Variants in MB21D2 observed in about 807,000 individuals in gnomAD.
MB21D2 encodes the protein Mab-21 domain containing 2.
In MB21D2, 9 loss-of-function variants were observed where a neutral mutation model predicts 33.3. That is an observed-to-expected ratio of 0.27 (90% CI 0.16 to 0.47). The LOEUF is 0.47. MB21D2 is among the 20% of genes least tolerant of loss of function. The pLI is 0.99. For synonymous variants in MB21D2, 241 were observed against 236.3 expected (o/e 1.02, Z -0.18); for missense variants, 540 against 624.6 (o/e 0.86, Z 1.44).
At chr3:192,825,837 G>C (rs1243494907) in intron 1 of MB21D2, among the ~76,000 whole-genome samples, 1 of 152,230 alleles carries the variant, frequency 6.6e-6, no homozygotes, top group East Asian at 1.9e-4. Context: ...AATTGCATCA[G>C]TCCCGCCCCC....
chr3:192,893,152 C>T (rs919775924), intron 1 of MB21D2, among the ~76,000 whole-genome samples: 6 of 152,162 alleles, frequency 3.9e-5, no homozygotes, highest in African/African-American at 1.2e-4. Flanking sequence ...AACCTCCCAA[C>T]GCAGGTCAAA....
chr3:192,860,152 C>A lies in MB21D2; in HGVS notation c.211+57478G>T, dbSNP rs542555526. Among the ~76,000 whole-genome samples the A allele has an allele frequency of 1.2e-3, 187 of 152,262 alleles. 2 individuals carry two copies. In the South Asian group the frequency reaches 0.022, roughly 18 times the overall value. On this transcript the variant is annotated intron_variant, in intron 1 of 1. Coordinates refer to ENST00000392452, the MANE Select transcript of MB21D2 (RefSeq NM_178496.4). ...TGTAGGACAGGCCTCCAAACTGTGC[C>A]CCACATGGCCGAGTAGTTTTCTGAG...
intron 1 of MB21D2, among the ~76,000 whole-genome samples, chr3:192,900,600 A>C (rs1280831110): frequency 6.6e-6 from 1 of 152,164 alleles, no homozygotes; most frequent in Non-Finnish European, 1.5e-5. Flanking sequence ...AGACTGTATA[A>C]GTAACATGAA....
chr3:192,827,342 A>T (rs1004079813), intron 1 of MB21D2, among the ~76,000 whole-genome samples: 2 of 152,118 alleles, frequency 1.3e-5, no homozygotes, highest in African/African-American at 2.4e-5. Context: ...AAATTGACTC[A>T]TGACCACTGG....
intron 1 of MB21D2, among the ~76,000 whole-genome samples, chr3:192,899,590 G>T (rs1048802796): frequency 1.3e-5 from 2 of 152,200 alleles, no homozygotes; most frequent in African/African-American, 4.8e-5. Context: ...CTTAAAGGAT[G>T]ACTCAGCATG....
intron 1 of MB21D2, among the ~76,000 whole-genome samples, chr3:192,882,209 T>A (rs766471021): frequency 7.2e-5 from 11 of 151,992 alleles, no homozygotes; most frequent in Non-Finnish European, 1.5e-4. Flanking sequence ...CACTGCAACC[T>A]CCACCTCCTG....
At chr3:192,857,182 C>A (rs1477503789) in intron 1 of MB21D2, among the ~76,000 whole-genome samples, 1 of 152,038 alleles carries the variant, frequency 6.6e-6, no homozygotes, top group East Asian at 1.9e-4. Context: ...AACAACAGGC[C>A]CTGCAAAATA....
chr3:192,869,255 CA>C (rs201525769), intron 1 of MB21D2, among the ~76,000 whole-genome samples: 4 of 102,612 alleles, frequency 3.9e-5, no homozygotes, highest in Non-Finnish European at 3.8e-5. Context: ...GACTCCATGT[CA>C]AAAAAAAAGA....
intron 1 of MB21D2, among the ~76,000 whole-genome samples, chr3:192,807,545 C>T (rs1449985119): frequency 8.5e-5 from 13 of 152,114 alleles, no homozygotes; most frequent in Admixed American, 8.5e-4. Flanking sequence ...CCATTCCTTT[C>T]TCACGTTGAG....
intron 1 of MB21D2, among the ~76,000 whole-genome samples, chr3:192,847,802 T>G (rs1712706670): frequency 6.6e-6 from 1 of 152,206 alleles, no homozygotes; most frequent in Non-Finnish European, 1.5e-5. Flanking sequence ...AATGATTATT[T>G]GGACATGATC....
intron 1 of MB21D2, among the ~76,000 whole-genome samples, chr3:192,805,575 T>A (rs1711644414): frequency 6.6e-6 from 1 of 151,790 alleles, no homozygotes; most frequent in Admixed American, 6.6e-5. Flanking sequence ...TCCAAAGGAG[T>A]CTTTCTTAGT....
chr3:192,861,211 G>C (rs185134940), intron 1 of MB21D2, among the ~76,000 whole-genome samples: 9 of 152,226 alleles, frequency 5.9e-5, no homozygotes, highest in Non-Finnish European at 1.2e-4. Flanking sequence ...CTGACCTCTG[G>C]GCTCGGTTCT....
chr3:192,842,957 G>A (rs1282669284), intron 1 of MB21D2, among the ~76,000 whole-genome samples: 4 of 152,240 alleles, frequency 2.6e-5, no homozygotes, highest in African/African-American at 9.6e-5. Context: ...GAGACTGGAG[G>A]TAAAGAAGTT....
intron 1 of MB21D2, among the ~76,000 whole-genome samples, chr3:192,872,249 T>A: frequency 6.6e-6 from 1 of 152,272 alleles, no homozygotes; most frequent in South Asian, 2.1e-4. Flanking sequence ...ACTGTTTGCC[T>A]TCTGCACTAG....
At chr3:192,815,455 G>A (rs1189552994) in intron 1 of MB21D2, among the ~76,000 whole-genome samples, 1 of 152,196 alleles carries the variant, frequency 6.6e-6, no homozygotes, top group Non-Finnish European at 1.5e-5. Flanking sequence ...AAGGAGACAT[G>A]TGTTTAGCAA....
chr3:192,797,678 A>G lies in MB21D2; in HGVS notation c.*708T>C, dbSNP rs1432691979. On this transcript the variant is annotated 3_prime_UTR_variant, in exon 2 of 2. Transcript: ENST00000392452. ...TAATAGGATTTAAATAAGGCTTCAA[A>G]TAATTACATATGCTAAAATTAACAT... The G allele has an allele frequency of 3.9e-5, 6 of 152,646 alleles. No homozygotes were observed. The East Asian group carries it at 1.2e-3, about 29-fold the overall frequency. The allele number at this position is 152,646 out of a possible 1,614,324, so 9.5% of individuals were successfully genotyped here.
Position 192,868,378 on chromosome 3 carries a change from G to C in MB21D2, c.211+49252C>G, listed in dbSNP as rs116965216. Reference sequence around the variant, plus strand: ...GAGAATCTCTTTGAAAACGCAGTGGGAGACAGAGCCAAGTAACGGAAAGAA... The same window carrying C: ...GAGAATCTCTTTGAAAACGCAGTGGCAGACAGAGCCAAGTAACGGAAAGAA... On this transcript the variant is annotated intron_variant, in intron 1 of 1. Transcript: ENST00000392452. 2.2e-4 allele frequency among the ~76,000 whole-genome samples: 34 copies of C among 152,326 alleles called. No individual in the cohort carries two copies. The East Asian group carries it at 6.6e-3, about 29-fold the overall frequency.
intron 1 of MB21D2, among the ~76,000 whole-genome samples, chr3:192,861,515 A>T (rs1265433038): frequency 6.6e-6 from 1 of 152,130 alleles, no homozygotes; most frequent in African/African-American, 2.4e-5. Context: ...TTTAACATAG[A>T]CCCATTTCGG....
intron 1 of MB21D2, among the ~76,000 whole-genome samples, chr3:192,888,302 A>C (rs1486591527): frequency 6.6e-6 from 1 of 152,126 alleles, no homozygotes; most frequent in South Asian, 2.1e-4. Context: ...AAAGAAACAC[A>C]TCCAGAAGCC....
Sources: gnomAD v4.1 joint callset for allele counts (sites outside exome capture counted in the v4.1 genomes callset) on GRCh38, gnomAD v4.1.1 for gene constraint, MANE v1.5 for transcripts, NCBI Gene and HGNC (gene_info 2026-07-23, HGNC 2026-07-21) for gene names.